The following PTPRR variants were observed in gnomAD, a reference collection of about 807,000 sequenced individuals.
PTPRR encodes protein tyrosine phosphatase receptor type R.
In PTPRR, 38 loss-of-function variants were observed where a neutral mutation model predicts 77.2. The observed-to-expected ratio is 0.49, with a 90% confidence interval of 0.38 to 0.65. The LOEUF is 0.65. Ranked by LOEUF, PTPRR falls within the 30% of genes least tolerant of loss-of-function variation. The pLI, the probability that PTPRR is intolerant of heterozygous loss-of-function variation, is 0.00. For synonymous variants in PTPRR, 299 were observed against 283.1 expected (o/e 1.06, Z -0.57); for missense variants, 744 against 799.2 (o/e 0.93, Z 0.83).
At chr12:70,836,695 TCTCACTC>T (rs1892310169) in intron 2 of PTPRR, among the ~76,000 whole-genome samples, 2 of 151,830 alleles carry the variant, frequency 1.3e-5, no homozygotes, top group African/African-American at 4.8e-5. Flanking sequence ...GGATCTCCAC[TCTCACTC>T]CTCACTCCCA....
At chr12:70,696,638 TCCC>T (rs368312566) in intron 8 of PTPRR, among the ~76,000 whole-genome samples, 126 of 152,238 alleles carry the variant, frequency 8.3e-4, no homozygotes, top group African/African-American at 2.9e-3. Flanking sequence ...TTCCATACAA[TCCC>T]CCCATTTCAT....
chr12:70,747,490 T>C (rs1169754892), intron 5 of PTPRR, among the ~76,000 whole-genome samples: 1 of 152,232 alleles, frequency 6.6e-6, no homozygotes, highest in Non-Finnish European at 1.5e-5. Context: ...ACTTGGATTT[T>C]GGAGAAATAT....
In PTPRR at chr12:70,868,862, T is replaced by G. The variant is rs1001863500; in HGVS notation, c.357+23817A>C. On this transcript the variant is annotated intron_variant, in intron 2 of 13. Coordinates refer to ENST00000283228, the MANE Select transcript of PTPRR (RefSeq NM_002849.4). ...TGCAATATTATGCAGCCATAAAAAA[T>G]GATGAGTTCATGTCCTTTGTAGGGA... 3.3e-3 allele frequency among the ~76,000 whole-genome samples: 495 copies of G among 151,922 alleles called. 5 individuals are homozygous for G. The highest frequency in any genetic ancestry group is 0.011 in the African/African-American group (452 of 41,388).
At chr12:70,765,033 AG>A (rs1272500948) in intron 2 of PTPRR, among the ~76,000 whole-genome samples, 1 of 152,214 alleles carries the variant, frequency 6.6e-6, no homozygotes, top group Non-Finnish European at 1.5e-5. Context: ...GGTGGAGCCA[AG>A]ATGGCCAAAT....
intron 6 of PTPRR, among the ~76,000 whole-genome samples, chr12:70,729,705 G>A (rs1020560884): frequency 3.3e-5 from 5 of 151,920 alleles, no homozygotes; most frequent in African/African-American, 9.7e-5. Flanking sequence ...TGTACACCAG[G>A]CACCTTAATA....
intron 2 of PTPRR, among the ~76,000 whole-genome samples, chr12:70,856,070 T>C (rs1892646408): frequency 6.6e-6 from 1 of 152,122 alleles, no homozygotes; most frequent in East Asian, 1.9e-4. Context: ...TTAGAAGATA[T>C]ACTAACTTTA....
chr12:70,733,536 G>A (rs867252697), intron 6 of PTPRR, among the ~76,000 whole-genome samples: 21 of 149,480 alleles, frequency 1.4e-4, no homozygotes, highest in African/African-American at 4.7e-4. Context: ...TGAGACAAGG[G>A]GCTAACAACT....
At chr12:70,721,180 A>T (rs764921617) in intron 6 of PTPRR, among the ~76,000 whole-genome samples, 3 of 152,222 alleles carry the variant, frequency 2.0e-5, no homozygotes, top group Non-Finnish European at 4.4e-5. Context: ...CAAATATCCT[A>T]AAGTTCTCCA....
At chr12:70,820,425 C>T (rs1031418001) in intron 2 of PTPRR, among the ~76,000 whole-genome samples, 3 of 152,028 alleles carry the variant, frequency 2.0e-5, no homozygotes, top group African/African-American at 7.3e-5. Flanking sequence ...GCTCCGCTTC[C>T]CGAGTTCACG....
chr12:70,659,206 T>C (rs1886704711), intron 12 of PTPRR, among the ~76,000 whole-genome samples: 1 of 151,896 alleles, frequency 6.6e-6, no homozygotes, highest in African/African-American at 2.4e-5. Context: ...CCTGGCCCAT[T>C]GACAAGCTTT....
intron 10 of PTPRR, among the ~76,000 whole-genome samples, chr12:70,682,665 T>A (rs923329051): frequency 1.3e-5 from 2 of 152,156 alleles, no homozygotes; most frequent in Non-Finnish European, 2.9e-5. Context: ...AATGTACACA[T>A]ACAGAGAATA....
At chr12:70,794,340 G>GAA (rs1891472652) in intron 2 of PTPRR, among the ~76,000 whole-genome samples, 1 of 152,182 alleles carries the variant, frequency 6.6e-6, no homozygotes, top group Admixed American at 6.5e-5. Flanking sequence ...CTATGAGCTA[G>GAA]AAATAGTGAT....
At chr12:70,661,395 TAAAC>T (rs927911025) in intron 11 of PTPRR, among the ~76,000 whole-genome samples, 1 of 152,106 alleles carries the variant, frequency 6.6e-6, no homozygotes. Context: ...TTTATTATAA[TAAAC>T]AAGATGGTAG....
chr12:70,866,948 T>C (rs1309865533), intron 2 of PTPRR, among the ~76,000 whole-genome samples: 3 of 151,556 alleles, frequency 2.0e-5, no homozygotes, highest in South Asian at 4.2e-4. Context: ...ATGATCTCAA[T>C]AGATGCAGAA....
At chr12:70,814,193 C>T (rs919532659) in intron 2 of PTPRR, among the ~76,000 whole-genome samples, 2 of 151,980 alleles carry the variant, frequency 1.3e-5, no homozygotes, top group African/African-American at 4.8e-5. Context: ...TCTTTTTCTC[C>T]CTCTTCCTCA....
intron 2 of PTPRR, among the ~76,000 whole-genome samples, chr12:70,850,806 T>C (rs1337895363): frequency 2.0e-5 from 3 of 152,208 alleles, no homozygotes; most frequent in Admixed American, 6.5e-5. Context: ...AAGTTCCTTT[T>C]CTTCTTCAGA....
At chr12:70,644,375 C>T (rs1019685100) in intron 13 of PTPRR, among the ~76,000 whole-genome samples, 3 of 152,140 alleles carry the variant, frequency 2.0e-5, no homozygotes, top group African/African-American at 7.2e-5. Context: ...AGAACCCCAG[C>T]TAGCTGAGAG....
chr12:70,734,927 C>G (rs891624861), intron 6 of PTPRR, among the ~76,000 whole-genome samples: 4 of 152,182 alleles, frequency 2.6e-5, no homozygotes, highest in African/African-American at 9.7e-5. Flanking sequence ...ATTTCTTTCA[C>G]TTAACAAGAT....
intron 2 of PTPRR, among the ~76,000 whole-genome samples, chr12:70,864,707 T>G (rs1892810524): frequency 6.6e-6 from 1 of 152,114 alleles, no homozygotes; most frequent in African/African-American, 2.4e-5. Context: ...ATAATTACCA[T>G]GTGTTGTGGG....
Sources: gnomAD v4.1 joint callset for allele counts (sites outside exome capture counted in the v4.1 genomes callset) on GRCh38, gnomAD v4.1.1 for gene constraint, MANE v1.5 for transcripts, NCBI Gene and HGNC (gene_info 2026-07-23, HGNC 2026-07-21) for gene names.